Variants in NPHP4 observed in about 807,000 individuals in gnomAD.
NPHP4 encodes the protein nephrocystin-4.
In NPHP4, 151 loss-of-function variants were observed where a neutral mutation model predicts 155.8. That is an observed-to-expected ratio of 0.97 (90% CI 0.85 to 1.11). NPHP4 has a LOEUF of 1.11. NPHP4 is among the 50% of genes least tolerant of loss of function. The pLI is 0.00. For missense variants in NPHP4, 1,956 were observed against 1,925.7 expected (o/e 1.02, Z -0.29); for synonymous variants, 845 against 816.8 (o/e 1.03, Z -0.59).
intron 4 of NPHP4, among the ~76,000 whole-genome samples, chr1:5,968,333 G>A (rs937189408): frequency 5.3e-5 from 8 of 152,110 alleles, no homozygotes; most frequent in African/African-American, 1.2e-4. Flanking sequence ...CGGACACAGC[G>A]GCTCACGTCT....
In NPHP4 at chr1:5,947,199, G is replaced by A. The variant is rs190940697; in HGVS notation, c.1024C>T (p.Arg342Cys). ...SGSQALVLRS[R>C]LRLPEMVGHP... ...CCGACCATCTCTGGGAGGCGGAGGCGGCTTCTCAAAACCAGAGCTTGGCTC... is the reference window on the plus strand; with the variant it reads ...CCGACCATCTCTGGGAGGCGGAGGCAGCTTCTCAAAACCAGAGCTTGGCTC... Residue 342 changes from arginine to cysteine, a missense_variant, in exon 9 of 30, where the codon CGC (arginine) becomes TGC (cysteine). By Grantham distance (180) the Arg-to-Cys change is radical. Transcript: ENST00000378156. The A allele has an allele frequency of 1.2e-3, 1,890 of 1,613,796 alleles. 10 individuals are homozygous for A. In the Middle Eastern group the frequency reaches 0.015, roughly 13 times the overall value.
intron 18 of NPHP4, chr1:5,880,533 C>CT (rs1643174193): frequency 2.6e-6 from 1 of 383,006 alleles, no homozygotes. Flanking sequence ...TGGATTCTTA[C>CT]TTCTGGATCT....
rs977562840 is a variant in NPHP4 at position 5,952,777 on chromosome 1, A to G, written c.733T>C (p.Phe245Leu). Residue 245 changes from phenylalanine (F) to leucine (L), a missense_variant, in exon 7 of 30, where the codon TTC becomes CTC. By Grantham distance (22) the Phe-to-Leu change is conservative. Transcript: ENST00000378156. ...KPITGHLDDL[F>L]FTLYPSLEKF... ...TCCAGGGAGGGGTACAGGGTGAAGA[A>G]TAAGTCATCCAAGTGCCCCGTGATG... is the stretch of plus-strand genomic sequence containing the variant. 3 of 1,588,092 alleles carry G rather than the reference A, an allele frequency of 1.9e-6. No individual in the cohort carries two copies. The highest frequency in any genetic ancestry group is 2.7e-5 in the African/African-American group (2 of 74,262).
chr1:5,871,782 C>T (rs1178653882), intron 23 of NPHP4, among the ~76,000 whole-genome samples: 4 of 152,200 alleles, frequency 2.6e-5, no homozygotes, highest in Admixed American at 6.5e-5. Flanking sequence ...GGGTCCTGAT[C>T]CAAACGCACC....
intron 10 of NPHP4, among the ~76,000 whole-genome samples, chr1:5,931,597 G>A (rs916997966): frequency 9.9e-5 from 15 of 151,616 alleles, no homozygotes; most frequent in African/African-American, 1.9e-4. Flanking sequence ...AGCCAGGCAT[G>A]GTGGTGGGCA....
At chr1:5,949,306 G>C (rs984582159) in intron 7 of NPHP4, among the ~76,000 whole-genome samples, 1 of 141,498 alleles carries the variant, frequency 7.1e-6, no homozygotes, top group East Asian at 2.0e-4. Flanking sequence ...TTTCAAGAAC[G>C]GGTAGGGAGC....
rs750206879 is a variant in NPHP4 at position 5,866,361 on chromosome 1, C to G, written c.3644+12G>C. On this transcript the variant is annotated intron_variant, in intron 26 of 29. Transcript: ENST00000378156. ...GCCACCGCCTCCAGGTCCCCAAAGC[C>G]TGTGCACTTACGAGTAAATGATGAC... 9 of 1,576,154 alleles carry G rather than the reference C, an allele frequency of 5.7e-6. No homozygotes were observed. Among genetic ancestry groups the G allele is most frequent in the Non-Finnish European group, 7.8e-6 (9 of 1,150,426 alleles).
chr1:5,865,023 T>C, intron 27 of NPHP4, 79 bp downstream of exon 27: 6 of 1,443,176 alleles, frequency 4.2e-6, no homozygotes, highest in Non-Finnish European at 4.8e-6. Context: ...CCACCCACTG[T>C]GCTCCAGCTG....
chr1:5,866,512 C>T, intron 25 of NPHP4, 54 bp from the exon 26 acceptor site: 1 of 1,072,456 alleles, frequency 9.3e-7, no homozygotes, highest in South Asian at 1.3e-5. Flanking sequence ...CCGACCCCAG[C>T]CTGGCCCCTA....
intron 19 of NPHP4, chr1:5,879,476 A>G (rs773107886): frequency 9.7e-6 from 5 of 516,756 alleles, no homozygotes; most frequent in African/African-American, 1.9e-5. Context: ...TCTGTTCACA[A>G]CATAGGGTAC....
intron 1 of NPHP4, among the ~76,000 whole-genome samples, chr1:5,989,563 G>A (rs1227287244): frequency 8.0e-6 from 1 of 124,644 alleles, no homozygotes; most frequent in Non-Finnish European, 1.8e-5. Flanking sequence ...TCACAACTCA[G>A]TAAATGGTCA....
chr1:5,978,389 C>T lies in NPHP4; in HGVS notation c.160G>A (p.Val54Ile), dbSNP rs1302058239. 1 of 1,606,092 alleles carries T rather than the reference C, an allele frequency of 6.2e-7. No individual in the cohort carries two copies. Among genetic ancestry groups the T allele is most frequent in the South Asian group, 1.1e-5 (1 of 89,678 alleles). Residue 54 changes from valine (V) to isoleucine (I), a missense_variant, in exon 3 of 30, where the codon GTT (valine) becomes ATT (isoleucine). By Grantham distance (29) the Val-to-Ile change is conservative. Transcript: ENST00000378156. ...RQGVLEVLSE[V>I]ECHLRVSFFD... Reference sequence around the variant, plus strand: ...AAAGACACTCGCAGATGGCATTCAACCTCTGACAGTACCTCCAGCACGCCC... The same window carrying T: ...AAAGACACTCGCAGATGGCATTCAATCTCTGACAGTACCTCCAGCACGCCC...
At chr1:5,956,937 G>A (rs930773919) in intron 6 of NPHP4, among the ~76,000 whole-genome samples, 2 of 152,168 alleles carry the variant, frequency 1.3e-5, no homozygotes, top group African/African-American at 2.4e-5. Flanking sequence ...GTGGCTAGAC[G>A]TGGAGCAGAC....
At chr1:5,939,314 T>C (rs897171134) in intron 9 of NPHP4, among the ~76,000 whole-genome samples, 2 of 152,244 alleles carry the variant, frequency 1.3e-5, no homozygotes, top group African/African-American at 4.8e-5. Context: ...CTTGGTCCTC[T>C]GCAAAACAAG....
At chr1:5,896,717 G>A (rs1644411042) in intron 16 of NPHP4, among the ~76,000 whole-genome samples, 1 of 152,158 alleles carries the variant, frequency 6.6e-6, no homozygotes. Context: ...CAGAATCAAA[G>A]CACCCCATAT....
intron 6 of NPHP4, among the ~76,000 whole-genome samples, chr1:5,960,577 G>A (rs1650123466): frequency 6.6e-6 from 1 of 152,006 alleles, no homozygotes; most frequent in Non-Finnish European, 1.5e-5. Context: ...AACCCAGCAG[G>A]GAGTCAGTCA....
chr1:5,982,840 T>C lies in NPHP4; in HGVS notation c.135+3315A>G, dbSNP rs530985391. 6.4e-4 allele frequency among the ~76,000 whole-genome samples: 98 copies of C among 152,228 alleles called. 1 individual carries two copies. The highest frequency in any genetic ancestry group is 1.3e-3 in the Non-Finnish European group (86 of 68,040). On this transcript the variant is annotated intron_variant, in intron 2 of 29. Coordinates refer to ENST00000378156, the MANE Select transcript of NPHP4 (RefSeq NM_015102.5). ...CTATTTGAGGATTTTCTAGATCTCA[T>C]ATTATTTATTTCTAACTTAAAAGCA...
At chr1:5,981,006 G>T (rs926472788) in intron 2 of NPHP4, among the ~76,000 whole-genome samples, 1 of 152,102 alleles carries the variant, frequency 6.6e-6, no homozygotes, top group African/African-American at 2.4e-5. Flanking sequence ...GCTTTTCCAT[G>T]TTGACTGTCT....
At chr1:5,977,487 G>C (rs192812585) in intron 3 of NPHP4, among the ~76,000 whole-genome samples, 1 of 151,906 alleles carries the variant, frequency 6.6e-6, no homozygotes, top group East Asian at 2.0e-4. Context: ...TTCTCCTATC[G>C]GTCTCCTCCT....
Sources: gnomAD v4.1 joint callset for allele counts (sites outside exome capture counted in the v4.1 genomes callset) on GRCh38, gnomAD v4.1.1 for gene constraint, MANE v1.5 for transcripts, NCBI Gene and HGNC (gene_info 2026-07-23, HGNC 2026-07-21) for gene names.